The following KLHL29 variants were observed in gnomAD, a reference collection of about 807,000 sequenced individuals.
KLHL29 encodes kelch like family member 29.
Under a neutral mutation model 80.4 loss-of-function variants are expected in KLHL29, and 21 were observed. The ratio of observed to expected loss-of-function variants is 0.26; its 90% CI spans 0.19 to 0.38. The LOEUF (loss-of-function observed/expected upper bound fraction) is 0.38, where lower values mean the gene tolerates loss of function less well. Among genes scored for constraint, KLHL29 ranks in the 10% least tolerant of loss-of-function variants. The pLI is 1.00. For synonymous variants in KLHL29, 511 were observed against 526.8 expected, an observed-to-expected ratio of 0.97 and a Z score of 0.41; for missense variants, 867 against 1,223.9, an observed-to-expected ratio of 0.71 and a Z score of 4.35.
chr2:23,661,630 CTCGTGGCCGAGTAG>C (rs1670411282), intron 5 of KLHL29, among the ~76,000 whole-genome samples: 2 of 152,262 alleles, frequency 1.3e-5, no homozygotes, highest in Admixed American at 1.3e-4. Context: ...CATGGCTTTA[CTCGTGGCCGAGTAG>C]AGGTGCCCCC....
At chr2:23,420,201 A>G (rs1476382335) in intron 1 of KLHL29, among the ~76,000 whole-genome samples, 1 of 152,070 alleles carries the variant, frequency 6.6e-6, no homozygotes, top group Non-Finnish European at 1.5e-5. Flanking sequence ...CGTCTATCCA[A>G]TAAGAACAAT....
chr2:23,595,309 ACCCTACCAAAG>A (rs1668369821), intron 3 of KLHL29, among the ~76,000 whole-genome samples: 1 of 152,010 alleles, frequency 6.6e-6, no homozygotes, highest in Non-Finnish European at 1.5e-5. Flanking sequence ...CTCCCACAAA[ACCCTACCAAAG>A]CCAGCATTTT....
intron 1 of KLHL29, among the ~76,000 whole-genome samples, chr2:23,414,336 G>A (rs770862796): frequency 3.0e-4 from 45 of 152,184 alleles, no homozygotes; most frequent in Non-Finnish European, 6.2e-4. Context: ...TGGGGGCCGC[G>A]CAGACGGATG....
At chr2:23,613,569 G>T (rs763300962) in intron 3 of KLHL29, among the ~76,000 whole-genome samples, 20 of 152,134 alleles carry the variant, frequency 1.3e-4, no homozygotes, top group Admixed American at 6.5e-5. Flanking sequence ...TTCAAGACCA[G>T]CCTGGCCAAC....
intron 1 of KLHL29, among the ~76,000 whole-genome samples, chr2:23,446,323 A>G (rs192304162): frequency 1.3e-5 from 2 of 152,040 alleles, no homozygotes; most frequent in Admixed American, 1.3e-4. Context: ...AAATTTCCAC[A>G]TGGGGTCTAT....
At position 23,562,527 on chromosome 2, in the gene KLHL29, C is replaced by G. The variant is rs1370592195; in HGVS notation, c.285+46C>G. 4.6e-6 allele frequency: 7 copies of G among 1,523,660 alleles called. No homozygotes were observed. The highest frequency in any genetic ancestry group is 4.0e-5 in the Admixed American group (2 of 50,396). 94.4% of individuals were successfully genotyped at this position (1,523,660 alleles called of 1,614,324 possible). ...TGAGCAGGAGCCGGACAGAGGGGCC[C>G]TGCCTCCCTGCAGGCTCAGGCCAGC... On this transcript the variant is annotated intron_variant, in intron 3 of 13. Coordinates refer to ENST00000486442, the MANE Select transcript of KLHL29 (RefSeq NM_052920.2). This position sits in a 1 kb window ranked among gnomAD's most constrained non-coding sequence, Gnocchi z 4.5.
chr2:23,537,280 T>A (rs1027336287), intron 2 of KLHL29, among the ~76,000 whole-genome samples: 4 of 152,130 alleles, frequency 2.6e-5, no homozygotes, highest in African/African-American at 9.7e-5. Flanking sequence ...CTCTGTTGCC[T>A]CAGTGGGAGG....
chr2:23,628,913 C>T (rs1228377982), intron 3 of KLHL29, among the ~76,000 whole-genome samples: 1 of 152,300 alleles, frequency 6.6e-6, no homozygotes, highest in East Asian at 1.9e-4. Context: ...AGTCACTGCC[C>T]GCAGGGCCGG....
At chr2:23,401,863 T>C (rs1344904061) in intron 1 of KLHL29, among the ~76,000 whole-genome samples, 2 of 152,210 alleles carry the variant, frequency 1.3e-5, no homozygotes, top group African/African-American at 4.8e-5. Context: ...AGTCCCCACA[T>C]CTCTGAGGAT....
chr2:23,602,233 T>C (rs1453412905), intron 3 of KLHL29, among the ~76,000 whole-genome samples: 2 of 152,190 alleles, frequency 1.3e-5, no homozygotes, highest in Non-Finnish European at 2.9e-5. Flanking sequence ...AGACATGACG[T>C]CGTTCCTGTG....
chr2:23,628,040 G>A (rs1305503482), intron 3 of KLHL29, among the ~76,000 whole-genome samples: 2 of 151,648 alleles, frequency 1.3e-5, no homozygotes, highest in Non-Finnish European at 2.9e-5. Context: ...AGCCTCCCGA[G>A]TAGCTGGGAT....
intron 5 of KLHL29, among the ~76,000 whole-genome samples, chr2:23,665,390 T>C (rs774619775): frequency 6.6e-6 from 1 of 152,174 alleles, no homozygotes; most frequent in African/African-American, 2.4e-5. Flanking sequence ...TGGTGCCCAA[T>C]GGGACACTAG....
Position 23,633,756 on chromosome 2 carries a change from C to CTGTGTGTGTGTGTGTGTGTGTGTGTGT in KLHL29, c.286-5383_286-5382insTGTGTGTGTGTGTGTGTGTGTGTGTGT, listed in dbSNP as rs35002083. On this transcript the variant is annotated intron_variant, in intron 3 of 13. Coordinates refer to ENST00000486442, the MANE Select transcript of KLHL29 (RefSeq NM_052920.2). ...TCTCTGTCAAAAGAGTCACAGCACTCGTGTGTGTGTGTGTGTGTGTGTGTG... is the reference window on the plus strand; with the variant it reads ...TCTCTGTCAAAAGAGTCACAGCACTCTGTGTGTGTGTGTGTGTGTGTGTGTGTGTGTGTGTGTGTGTGTGTGTGTGTG... Among the ~76,000 whole-genome samples, 117 of 147,232 alleles carry CTGTGTGTGTGTGTGTGTGTGTGTGTGT rather than the reference C, an allele frequency of 7.9e-4. 1 individual carries two copies. The highest frequency in any genetic ancestry group is 1.3e-3 in the Non-Finnish European group (89 of 67,148).
At chr2:23,502,426 G>T (rs950560017) in intron 2 of KLHL29, among the ~76,000 whole-genome samples, 1 of 152,224 alleles carries the variant, frequency 6.6e-6, no homozygotes, top group Non-Finnish European at 1.5e-5. Flanking sequence ...GAGGGAGTCG[G>T]GTGTTTCAGC....
At chr2:23,440,235 C>A (rs1663474482) in intron 1 of KLHL29, among the ~76,000 whole-genome samples, 1 of 152,082 alleles carries the variant, frequency 6.6e-6, no homozygotes, top group Non-Finnish European at 1.5e-5. Context: ...GGAAAGGATT[C>A]CCTGTTTAAT....
At chr2:23,475,139 A>T (rs932747827) in intron 1 of KLHL29, among the ~76,000 whole-genome samples, 1 of 152,166 alleles carries the variant, frequency 6.6e-6, no homozygotes. Context: ...GTATTAGATT[A>T]AAGACTTAAA....
intron 2 of KLHL29, among the ~76,000 whole-genome samples, chr2:23,511,388 A>G (rs1665767970): frequency 6.6e-6 from 1 of 152,202 alleles, no homozygotes; most frequent in African/African-American, 2.4e-5. Context: ...GCAGTATAAT[A>G]ATCCAATCAC....
At chr2:23,673,236 A>T (rs72794290) in intron 5 of KLHL29, among the ~76,000 whole-genome samples, 16 of 120,356 alleles carry the variant, frequency 1.3e-4, no homozygotes, top group South Asian at 8.1e-4. Flanking sequence ...ACAGACACAC[A>T]CCCACACCAC....
intron 1 of KLHL29, among the ~76,000 whole-genome samples, chr2:23,392,208 C>A (rs1366199128): frequency 1.3e-5 from 2 of 152,160 alleles, no homozygotes; most frequent in African/African-American, 2.4e-5. Flanking sequence ...AGCAGCAACC[C>A]CTAGAGATCT....
Sources: gnomAD v4.1 joint callset for allele counts (sites outside exome capture counted in the v4.1 genomes callset) on GRCh38, gnomAD v4.1.1 for gene constraint, Gnocchi (gnomAD v3.1) non-coding constraint, MANE v1.5 for transcripts, NCBI Gene and HGNC (gene_info 2026-07-23, HGNC 2026-07-21) for gene names.